Variants in SERTAD4 observed in about 807,000 individuals in gnomAD.
The protein encoded by SERTAD4 is SERTA domain containing 4.
A neutral mutation model predicts 32.9 loss-of-function variants in SERTAD4; 18 were observed. The ratio of observed to expected loss-of-function variants is 0.55; its 90% CI spans 0.38 to 0.81. SERTAD4 has a LOEUF of 0.81. SERTAD4 is among the 30% of genes least tolerant of loss of function. The probability of loss-of-function intolerance (pLI) is 0.00; values close to 1 mark genes in which losing one functional copy is unlikely to be tolerated. For missense variants in SERTAD4, 383 were observed against 426.0 expected (o/e 0.90, Z 0.89); for synonymous variants, 150 against 156.4 (o/e 0.96, Z 0.30).
chr1:210,234,475 C>T (rs1207934183), intron 1 of SERTAD4, among the ~76,000 whole-genome samples: 7 of 152,192 alleles, frequency 4.6e-5, no homozygotes, highest in African/African-American at 1.7e-4. Flanking sequence ...GGCAGAAAAG[C>T]GACATCTGTT....
chr1:210,243,093 C>CA lies in SERTAD4; in HGVS notation c.*778dup, dbSNP rs57426441. 0.19 allele frequency: 88,741 copies of CA among 478,648 alleles called. 929 individuals are homozygous for CA. Among genetic ancestry groups the CA allele is most frequent in the Non-Finnish European group, 0.19 (77,827 of 407,436 alleles). 29.7% of individuals were successfully genotyped at this position (478,648 alleles called of 1,614,324 possible). A position where few individuals can be genotyped will look rare whatever the true frequency, so the allele number is the denominator to read the frequency against. ...TACAGCAGGGATTTAACAAACAGGA[C>CA]AAAAAAAAAAAAAAAAAAAAAACCA... On this transcript the variant is annotated 3_prime_UTR_variant, in exon 4 of 4. Coordinates refer to ENST00000367012, the MANE Select transcript of SERTAD4 (RefSeq NM_019605.5).
rs1234153132 is a variant in SERTAD4, at chr1:210,244,615, A to G, written c.*2278A>G. On this transcript the variant is annotated 3_prime_UTR_variant, in exon 4 of 4. Coordinates refer to ENST00000367012, the MANE Select transcript of SERTAD4 (RefSeq NM_019605.5). ...TGTCAAATGTAGCATTCTTATTATG[A>G]GTGTAATATCTCATGGAGATTTAAA... The G allele has an allele frequency of 6.6e-6, 1 of 152,178 alleles. No individual in the cohort carries two copies. The highest frequency in any genetic ancestry group is 2.4e-5 in the African/African-American group (1 of 41,440). The allele number at this position is 152,178 out of a possible 1,614,324, so 9.4% of individuals were successfully genotyped here.
chr1:210,238,418 C>G (rs150067431), intron 2 of SERTAD4, among the ~76,000 whole-genome samples: 1 of 152,196 alleles, frequency 6.6e-6, no homozygotes, highest in Non-Finnish European at 1.5e-5. Flanking sequence ...GATATTGAAA[C>G]TCTGAGTTTG....
At chr1:210,234,257 C>T (rs1300271740) in intron 1 of SERTAD4, among the ~76,000 whole-genome samples, 2 of 151,790 alleles carry the variant, frequency 1.3e-5, no homozygotes, top group Non-Finnish European at 2.9e-5. Context: ...TTCAAGAGGT[C>T]GGCCCTCCAA....
chr1:210,239,021 A>G (rs2083970422), intron 2 of SERTAD4, among the ~76,000 whole-genome samples: 2 of 152,300 alleles, frequency 1.3e-5, no homozygotes, highest in South Asian at 4.2e-4. Flanking sequence ...GAATGCTATA[A>G]TCCCAATGTG....
Position 210,243,266 on chromosome 1 carries a change from G to C in SERTAD4, c.*929G>C, listed in dbSNP as rs571959079. 2.2e-6 allele frequency: 1 copy of C among 463,876 alleles called. No homozygotes were observed. Among genetic ancestry groups the C allele is most frequent in the Non-Finnish European group, 2.8e-6 (1 of 354,906 alleles). The allele number at this position is 463,876 out of a possible 1,614,324, so 28.7% of individuals were successfully genotyped here. On this transcript the variant is annotated 3_prime_UTR_variant, in exon 4 of 4. Transcript: ENST00000367012. ...AGGGATGGAGGAAATGAGAGAGAGA[G>C]CTGTTAGAAAGCAGCACGGGCTGCT... is the stretch of plus-strand genomic sequence containing the variant.
At chr1:210,241,526 GT>G (rs67121079) in intron 3 of SERTAD4, 31 bp from the exon 4 acceptor site, 4 of 1,432,166 alleles carry the variant, frequency 2.8e-6, no homozygotes, top group Non-Finnish European at 3.7e-6. Flanking sequence ...TTTTCTGTTT[GT>G]TTTTTTCTTT....
intron 2 of SERTAD4, 88 bp from the exon 3 acceptor site, chr1:210,239,405 C>G: frequency 1.3e-6 from 1 of 778,972 alleles, no homozygotes; most frequent in African/African-American, 1.7e-5. Context: ...CCAAGTTATC[C>G]TCTAGAAGGA....
In SERTAD4 at chr1:210,241,998, G is replaced by A. The variant is rs778353634; in HGVS notation, c.732G>A (p.Val244=). The A allele has an allele frequency of 6.2e-7, 1 of 1,614,104 alleles. No individual in the cohort carries two copies. Among genetic ancestry groups the A allele is most frequent in the South Asian group, 1.1e-5 (1 of 91,070 alleles). Residue 244 remains valine, a synonymous_variant, in exon 4 of 4, where the codon GTG becomes GTA. Transcript: ENST00000367012. The part of the protein sequence containing the change: ...PLPLPSCSRQ[V]DFDVGSASIY... ...CTTTACCGAGTTGTTCCCGCCAGGT[G>A]GATTTTGATGTAGGTAGTGCATCTA... is the stretch of plus-strand genomic sequence containing the variant.
chr1:210,236,097 C>T (rs1055194468), intron 1 of SERTAD4, among the ~76,000 whole-genome samples: 4 of 152,152 alleles, frequency 2.6e-5, no homozygotes, highest in African/African-American at 7.2e-5. Flanking sequence ...GTTTGATACC[C>T]TACTTGGATG....
chr1:210,240,701 G>A (rs918575272), intron 3 of SERTAD4, among the ~76,000 whole-genome samples: 1 of 152,192 alleles, frequency 6.6e-6, no homozygotes, highest in African/African-American at 2.4e-5. Flanking sequence ...CAGCTCAGGA[G>A]TGAGCCCTCT....
intron 3 of SERTAD4, among the ~76,000 whole-genome samples, chr1:210,241,163 C>T (rs907483889): frequency 2.0e-5 from 3 of 152,104 alleles, no homozygotes; most frequent in African/African-American, 7.2e-5. Context: ...CCCCTCGCCC[C>T]GCTCACCCCA....
intron 3 of SERTAD4, 49 bp downstream of exon 3, chr1:210,239,657 A>G (rs375984023): frequency 6.0e-5 from 64 of 1,071,574 alleles, no homozygotes; most frequent in Non-Finnish European, 7.8e-5. Flanking sequence ...TAAGATACTT[A>G]GTAACAGTTG....
In SERTAD4 at chr1:210,239,610, T is replaced by C; in HGVS notation, c.291+2T>C. 6.6e-7 allele frequency: 1 copy of C among 1,510,144 alleles called. No individual in the cohort carries two copies. The highest frequency in any genetic ancestry group is 9.1e-7 in the Non-Finnish European group (1 of 1,093,748). The allele number at this position is 1,510,144 out of a possible 1,614,324, so 93.5% of individuals were successfully genotyped here. ...CCACTCAGCAGCTGTAGCCATAAAG[T>C]ATGTTTTTTTAATAGTCATTATTTT... is the stretch of plus-strand genomic sequence containing the variant. On this transcript the variant is annotated splice_donor_variant, in intron 3 of 3. Transcript: ENST00000367012. LOFTEE classifies it high-confidence loss of function.
At chr1:210,239,246 C>T (rs926137512) in intron 2 of SERTAD4, among the ~76,000 whole-genome samples, 1 of 152,160 alleles carries the variant, frequency 6.6e-6, no homozygotes, top group Non-Finnish European at 1.5e-5. Context: ...AATTAAGATT[C>T]TGCATATTTA....
At chr1:210,241,224 T>C (rs949240206) in intron 3 of SERTAD4, among the ~76,000 whole-genome samples, 31 of 152,150 alleles carry the variant, frequency 2.0e-4, no homozygotes, top group Non-Finnish European at 4.4e-5. Flanking sequence ...ATTAGTTTTG[T>C]GTTTCAGCAT....
In SERTAD4 at chr1:210,236,486, G is replaced by C. The variant is rs61364051; in HGVS notation, c.-17-1458G>C. 2.0e-5 allele frequency among the ~76,000 whole-genome samples: 3 copies of C among 152,298 alleles called. No individual in the cohort carries two copies. In the East Asian group the frequency reaches 5.8e-4, roughly 29 times the overall value. On this transcript the variant is annotated intron_variant, in intron 1 of 3. Coordinates refer to ENST00000367012, the MANE Select transcript of SERTAD4 (RefSeq NM_019605.5). ...AAAGGTAGAGTCATTGCTGCCAAGA[G>C]CTGCTCTTTTAGCCAGAAGGACATT...
chr1:210,239,020 A>T (rs891886297), intron 2 of SERTAD4, among the ~76,000 whole-genome samples: 1 of 152,180 alleles, frequency 6.6e-6, no homozygotes, highest in Non-Finnish European at 1.5e-5. Flanking sequence ...GGAATGCTAT[A>T]ATCCCAATGT....
intron 1 of SERTAD4, among the ~76,000 whole-genome samples, chr1:210,235,461 G>C (rs1272195228): frequency 6.6e-6 from 1 of 152,160 alleles, no homozygotes; most frequent in African/African-American, 2.4e-5. Context: ...GTTTTATTCA[G>C]ATTTACATAA....
Sources: allele counts gnomAD v4.1 joint callset (sites outside exome capture counted in the v4.1 genomes callset), GRCh38; gene constraint gnomAD v4.1.1; transcripts MANE v1.5; gene names NCBI Gene and HGNC (gene_info 2026-07-23, HGNC 2026-07-21).